MYH14: variants seen among roughly 807,000 people sequenced by gnomAD.
MYH14 encodes myosin-14.
MYH14 carries 123 observed loss-of-function variants against 255.5 expected under a neutral mutation model. The observed-to-expected ratio is 0.48, with a 90% CI of 0.42 to 0.56. The LOEUF is 0.56. Among genes scored for constraint, MYH14 ranks in the 20% least tolerant of loss-of-function variants. The pLI, the probability that MYH14 is intolerant of heterozygous loss-of-function variation, is 0.00. For missense variants in MYH14, 2,423 were observed against 2,802.3 expected, an observed-to-expected ratio of 0.86 and a Z score of 3.06; for synonymous variants, 1,095 against 1,161.2, an observed-to-expected ratio of 0.94 and a Z score of 1.16.
chr19:50,249,246 C>A, intron 13 of MYH14, 107 bp downstream of exon 13: 1 of 1,288,044 alleles, frequency 7.8e-7, no homozygotes, highest in Non-Finnish European at 1.1e-6. Flanking sequence ...CCCCCTCTCT[C>A]TCTCTGAGTC....
chr19:50,254,494 A>T (rs1413689242), intron 16 of MYH14, among the ~76,000 whole-genome samples: 1 of 152,152 alleles, frequency 6.6e-6, no homozygotes, highest in African/African-American at 2.4e-5. Flanking sequence ...TCATAAACAC[A>T]TGATTCTCCA....
Position 50,308,986 on chromosome 19 carries a change from TCCC to T in MYH14, c.5788-16_5788-14del. ...GACAGTACCTGGAGATATAACCCAG[TCCC>T]CCTGCTTCCATCAAGCTGGAGAAGG... On this transcript the variant is annotated splice_polypyrimidine_tract_variant and intron_variant, in intron 41 of 42. Coordinates refer to ENST00000642316, the MANE Select transcript of MYH14 (RefSeq NM_001145809.2). 1 of 1,596,052 alleles carries T rather than the reference TCCC, an allele frequency of 6.3e-7. No individual in the cohort carries two copies. Among genetic ancestry groups the T allele is most frequent in the Non-Finnish European group, 8.5e-7 (1 of 1,171,162 alleles).
intron 10 of MYH14, among the ~76,000 whole-genome samples, chr19:50,234,917 T>G (rs1329285662): frequency 6.6e-6 from 1 of 152,176 alleles, no homozygotes; most frequent in Non-Finnish European, 1.5e-5. Context: ...AGTTTCCCAC[T>G]GTTGAGCTTC....
At chr19:50,294,547 G>C (rs913874067) in intron 39 of MYH14, among the ~76,000 whole-genome samples, 1 of 149,600 alleles carries the variant, frequency 6.7e-6, no homozygotes, top group Non-Finnish European at 1.5e-5. Context: ...CGATTCTCCT[G>C]ATTCTCCAAT....
At chr19:50,268,478 C>A (rs2035177598) in intron 24 of MYH14, 111 bp downstream of exon 24, 23 of 1,213,570 alleles carry the variant, frequency 1.9e-5, no homozygotes, top group Non-Finnish European at 2.6e-5. Context: ...GTAGAAAACT[C>A]AGTTCTAAGT....
intron 24 of MYH14, among the ~76,000 whole-genome samples, chr19:50,269,841 A>G (rs1181549578): frequency 6.6e-6 from 1 of 152,018 alleles, no homozygotes; most frequent in Non-Finnish European, 1.5e-5. Flanking sequence ...AGGCTGGGGG[A>G]CCTTATCTAT....
At chr19:50,288,424 C>G (rs2035962517) in intron 34 of MYH14, among the ~76,000 whole-genome samples, 1 of 152,202 alleles carries the variant, frequency 6.6e-6, no homozygotes, top group Non-Finnish European at 1.5e-5. Flanking sequence ...CCAGCTCATA[C>G]TTGAGCCGTT....
chr19:50,272,447 A>C, intron 26 of MYH14, 113 bp from the exon 27 acceptor site: 1 of 1,105,952 alleles, frequency 9.0e-7, no homozygotes, highest in Non-Finnish European at 1.3e-6. Context: ...AGAAGGCGTT[A>C]AGGGAGGTGC....
chr19:50,267,957 T>A (rs2035151009), intron 23 of MYH14, among the ~76,000 whole-genome samples: 4 of 151,884 alleles, frequency 2.6e-5, no homozygotes, highest in Admixed American at 2.6e-4. Context: ...ATCCCCAGGA[T>A]TCTGACTTAG....
At chr19:50,243,487 AGGT>A (rs1197876328) in intron 10 of MYH14, among the ~76,000 whole-genome samples, 1 of 151,934 alleles carries the variant, frequency 6.6e-6, no homozygotes, top group African/African-American at 2.4e-5. Flanking sequence ...ATGTGACCAG[AGGT>A]GGTGGTACAC....
chr19:50,206,850 G>A (rs57504675), intron 1 of MYH14, among the ~76,000 whole-genome samples: 5,437 of 151,924 alleles, frequency 0.036, 318 homozygotes, highest in East Asian at 0.25. Flanking sequence ...CTGCTGTTGG[G>A]GAGACAGAAA....
At position 50,259,186 on chromosome 19, in the gene MYH14, T is replaced by C; in HGVS notation, c.2275T>C (p.Cys759Arg). The change falls in exon 19 of 43, where the codon TGC becomes CGC. Residue 759 changes from cysteine (C) to arginine (R), a missense_variant. This residue lies in a region of MYH14 where 672 missense variants were observed against 881.8 expected (regional missense o/e 0.76). Transcript: ENST00000642316. ...EPRLVLDQLR[C>R]NGVLEGIRIC... ...ACGGCTGGTGCTGGACCAGCTTCGC[T>C]GCAACGGGGTCCTGGAGGGCATCCG... The C allele has an allele frequency of 6.4e-7, 1 of 1,571,806 alleles. No individual in the cohort carries two copies. The highest frequency in any genetic ancestry group is 2.3e-5 in the East Asian group (1 of 42,572).
chr19:50,296,915 A>C (rs994935710), intron 39 of MYH14, among the ~76,000 whole-genome samples: 1 of 152,240 alleles, frequency 6.6e-6, no homozygotes, highest in African/African-American at 2.4e-5. Context: ...TTAGTTCCCT[A>C]GGGCCACCAT....
In MYH14 at chr19:50,309,881, CT is replaced by C; in HGVS notation, c.*92del. On this transcript the variant is annotated 3_prime_UTR_variant, in exon 43 of 43. Coordinates refer to ENST00000642316, the MANE Select transcript of MYH14 (RefSeq NM_001145809.2). ...GCCCCTGTCCCAGGAACCCCGCCCTCTGACTTCTTGCCCTTTGGAAATGGTG... is the reference window on the plus strand; with the variant it reads ...GCCCCTGTCCCAGGAACCCCGCCCTCGACTTCTTGCCCTTTGGAAATGGTG... 2 of 1,356,412 alleles carry C rather than the reference CT, an allele frequency of 1.5e-6. No individual in the cohort carries two copies. The highest frequency in any genetic ancestry group is 2.1e-6 in the Non-Finnish European group (2 of 970,022). 84.0% of individuals were successfully genotyped at this position (1,356,412 alleles called of 1,614,324 possible). A position where few individuals can be genotyped will look rare whatever the true frequency, so the allele number is the denominator to read the frequency against.
intron 1 of MYH14, among the ~76,000 whole-genome samples, chr19:50,207,313 G>GAGAGAGAGAGAC (rs2031859554): frequency 6.7e-6 from 1 of 148,998 alleles, no homozygotes; most frequent in African/African-American, 2.5e-5. Context: ...GAGAGAGAGA[G>GAGAGAGAGAGAC]ACTAGGGGCA....
intron 10 of MYH14, among the ~76,000 whole-genome samples, chr19:50,233,058 G>A (rs1298636469): frequency 6.6e-6 from 1 of 152,144 alleles, no homozygotes; most frequent in African/African-American, 2.4e-5. Flanking sequence ...TCTAGGGAAG[G>A]CTCAGGACGC....
chr19:50,217,809 T>C, intron 3 of MYH14, 38 bp downstream of exon 3: 1 of 1,603,120 alleles, frequency 6.2e-7, no homozygotes, highest in Non-Finnish European at 8.5e-7. Context: ...GCGAGGCGGC[T>C]CTTCAACGGG....
At chr19:50,220,399 A>T (rs1252537787) in intron 3 of MYH14, among the ~76,000 whole-genome samples, 1 of 148,542 alleles carries the variant, frequency 6.7e-6, no homozygotes, top group South Asian at 2.1e-4. Flanking sequence ...TTATTTTATT[A>T]TACTTTATAT....
intron 33 of MYH14, among the ~76,000 whole-genome samples, chr19:50,283,657 C>T (rs565132425): frequency 5.3e-5 from 8 of 152,218 alleles, no homozygotes; most frequent in South Asian, 2.1e-4. Context: ...TGACCAGTGA[C>T]GTTGAGCATC....
Sources: gnomAD v4.1 joint callset for allele counts (sites outside exome capture counted in the v4.1 genomes callset) on GRCh38, gnomAD v4.1.1 for gene constraint, gnomAD v4.1.1 regional missense constraint, MANE v1.5 for transcripts, NCBI Gene and HGNC (gene_info 2026-07-23, HGNC 2026-07-21) for gene names.